Variants in SLC25A12 observed in about 807,000 individuals in gnomAD.
SLC25A12 encodes the protein electrogenic aspartate/glutamate antiporter SLC25A12, mitochondrial.
SLC25A12 carries 32 observed loss-of-function variants against 83.3 expected under a neutral mutation model. The ratio of observed to expected loss-of-function variants is 0.38; its 90% CI spans 0.29 to 0.52. SLC25A12 has a LOEUF of 0.52. Ranked by LOEUF, SLC25A12 falls within the 20% of genes least tolerant of loss-of-function variation. The pLI, the probability that SLC25A12 is intolerant of heterozygous loss-of-function variation, is 0.84. For missense variants in SLC25A12, 611 were observed against 835.6 expected, an observed-to-expected ratio of 0.73 and a Z score of 3.31; for synonymous variants, 267 against 291.1, an observed-to-expected ratio of 0.92 and a Z score of 0.84.
intron 15 of SLC25A12, among the ~76,000 whole-genome samples, chr2:171,790,132 G>A (rs527868062): frequency 2.0e-5 from 3 of 152,176 alleles, no homozygotes; most frequent in Non-Finnish European, 2.9e-5. Flanking sequence ...GTGGTCCATC[G>A]CAACACTCTC....
intron 4 of SLC25A12, among the ~76,000 whole-genome samples, chr2:171,850,607 C>G (rs1684907998): frequency 6.6e-6 from 1 of 152,048 alleles, no homozygotes; most frequent in Non-Finnish European, 1.5e-5. Context: ...TCTTGTGATC[C>G]ACCCGCCTCG....
chr2:171,787,440 T>C, intron 17 of SLC25A12, 131 bp downstream of exon 17: 1 of 809,824 alleles, frequency 1.2e-6, no homozygotes, highest in Non-Finnish European at 2.2e-6. Context: ...GCTCACTGTT[T>C]TAAATGCATT....
chr2:171,784,955 A>G lies in SLC25A12; in HGVS notation c.*319T>C. 1 of 325,616 alleles carries G rather than the reference A, an allele frequency of 3.1e-6. No individual in the cohort carries two copies. Among genetic ancestry groups the G allele is most frequent in the Admixed American group, 4.2e-5 (1 of 24,082 alleles). 20.2% of individuals were successfully genotyped at this position (325,616 alleles called of 1,614,324 possible). A position where few individuals can be genotyped will look rare whatever the true frequency, so the allele number is the denominator to read the frequency against. Reference sequence around the variant, plus strand: ...TGTGATTTGTTGGGATGAGGTGCCAAGATGTCTCTGTACAAAGATGTACAA... The same window carrying G: ...TGTGATTTGTTGGGATGAGGTGCCAGGATGTCTCTGTACAAAGATGTACAA... On this transcript the variant is annotated 3_prime_UTR_variant, in exon 18 of 18. Transcript: ENST00000422440.
chr2:171,789,584 G>C (rs944633955), intron 15 of SLC25A12, among the ~76,000 whole-genome samples: 1 of 152,148 alleles, frequency 6.6e-6, no homozygotes, highest in Non-Finnish European at 1.5e-5. Flanking sequence ...AGAGAACCAG[G>C]TGTCCTTGGC....
intron 11 of SLC25A12, among the ~76,000 whole-genome samples, chr2:171,810,852 ATTGT>A (rs1163397902): frequency 6.6e-6 from 1 of 152,240 alleles, no homozygotes; most frequent in Non-Finnish European, 1.5e-5. Flanking sequence ...AGTTTTAAGT[ATTGT>A]TTAACGAGTA....
intron 2 of SLC25A12, among the ~76,000 whole-genome samples, chr2:171,882,708 A>G (rs1685722470): frequency 6.6e-6 from 1 of 152,218 alleles, no homozygotes; most frequent in South Asian, 2.1e-4. Context: ...TAGAAACCCA[A>G]CGCTGGCCAT....
chr2:171,861,434 G>C (rs988462545), intron 3 of SLC25A12, among the ~76,000 whole-genome samples: 1 of 152,064 alleles, frequency 6.6e-6, no homozygotes, highest in East Asian at 1.9e-4. Context: ...AAGAAACAAG[G>C]TCTCAATCTG....
chr2:171,868,608 C>T (rs1453634003), intron 3 of SLC25A12, 73 bp downstream of exon 3: 1 of 1,484,194 alleles, frequency 6.7e-7, no homozygotes, highest in Admixed American at 1.7e-5. Flanking sequence ...GCCACTGTGC[C>T]CAGCTGGTTT....
At chr2:171,824,695 C>A (rs1684262085) in intron 9 of SLC25A12, among the ~76,000 whole-genome samples, 1 of 95,446 alleles carries the variant, frequency 1.0e-5, no homozygotes, top group African/African-American at 3.0e-5. Flanking sequence ...TTTTCACATT[C>A]TTTCCTTTTA....
intron 8 of SLC25A12, among the ~76,000 whole-genome samples, chr2:171,833,262 T>C (rs1398117634): frequency 1.3e-5 from 2 of 152,130 alleles, no homozygotes; most frequent in Non-Finnish European, 2.9e-5. Context: ...CAGCATGAAG[T>C]AGTTACAGAA....
At chr2:171,812,820 C>A (rs561084880) in intron 11 of SLC25A12, among the ~76,000 whole-genome samples, 136 of 143,528 alleles carry the variant, frequency 9.5e-4, no homozygotes, top group African/African-American at 3.4e-3. Flanking sequence ...TTTTTTTAAA[C>A]CTTCAGATGG....
At chr2:171,865,674 A>G (rs1685274397) in intron 3 of SLC25A12, among the ~76,000 whole-genome samples, 1 of 151,280 alleles carries the variant, frequency 6.6e-6, no homozygotes, top group African/African-American at 2.4e-5. Context: ...AAATATATAT[A>G]TTATATACAT....
At chr2:171,887,554 T>C (rs1299392863) in intron 2 of SLC25A12, among the ~76,000 whole-genome samples, 1 of 152,232 alleles carries the variant, frequency 6.6e-6, no homozygotes, top group Non-Finnish European at 1.5e-5. Flanking sequence ...AAATTAACTC[T>C]TCATTTAGAA....
chr2:171,817,311 A>G (rs1264916099), intron 9 of SLC25A12, among the ~76,000 whole-genome samples: 1 of 152,166 alleles, frequency 6.6e-6, no homozygotes, highest in Non-Finnish European at 1.5e-5. Flanking sequence ...ACTTCTTTAA[A>G]AATGCACTGG....
intron 2 of SLC25A12, 41 bp from the exon 3 acceptor site, chr2:171,868,864 A>G (rs1037602703): frequency 1.3e-6 from 2 of 1,513,622 alleles, no homozygotes; most frequent in Non-Finnish European, 1.8e-6. Context: ...AAAATTATCC[A>G]ATATCATTTT....
intron 17 of SLC25A12, among the ~76,000 whole-genome samples, chr2:171,787,118 G>A (rs1329447075): frequency 2.6e-5 from 4 of 152,294 alleles, no homozygotes; most frequent in Middle Eastern, 3.4e-3. Context: ...GGCTGGTGGA[G>A]TTCGAGACCA....
chr2:171,812,252 G>A (rs546613724), intron 11 of SLC25A12, among the ~76,000 whole-genome samples: 4 of 152,124 alleles, frequency 2.6e-5, no homozygotes, highest in Non-Finnish European at 4.4e-5. Context: ...TGAGTTTATC[G>A]GAGTTATATT....
At chr2:171,793,396 G>A (rs911145192) in intron 14 of SLC25A12, among the ~76,000 whole-genome samples, 15 of 152,126 alleles carry the variant, frequency 9.9e-5, no homozygotes, top group African/African-American at 3.6e-4. Flanking sequence ...GCAGGTCTGC[G>A]GTGCTGGCCT....
At chr2:171,829,449 C>G (rs1338305287) in intron 8 of SLC25A12, among the ~76,000 whole-genome samples, 1 of 152,114 alleles carries the variant, frequency 6.6e-6, no homozygotes, top group Non-Finnish European at 1.5e-5. Flanking sequence ...GCAATGGCAA[C>G]CACCCCCATA....
Sources: gnomAD v4.1 joint callset for allele counts (sites outside exome capture counted in the v4.1 genomes callset) on GRCh38, gnomAD v4.1.1 for gene constraint, MANE v1.5 for transcripts, NCBI Gene and HGNC (gene_info 2026-07-23, HGNC 2026-07-21) for gene names.